The following REDIC1 variants were observed in gnomAD, a reference collection of about 807,000 sequenced individuals.
REDIC1 encodes HEI10 Interacting Protein 1.
At chr12:39,809,556 G>A in the REDIC1 span, among the ~76,000 whole-genome samples, 4 of 152,144 alleles carry the variant, frequency 2.6e-5, no homozygotes, top group Non-Finnish European at 5.9e-5. Flanking sequence ...TGCACAACGT[G>A]CAGGTTTGTT....
chr12:39,711,385 ATG>A, the REDIC1 span, among the ~76,000 whole-genome samples: 2,827 of 146,396 alleles, frequency 0.019, 72 homozygotes, highest in African/African-American at 0.054. Flanking sequence ...ACATATATGT[ATG>A]TGTGTACATA....
At chr12:39,638,199 C>G in the REDIC1 span, among the ~76,000 whole-genome samples, 10 of 152,130 alleles carry the variant, frequency 6.6e-5, no homozygotes, top group South Asian at 1.9e-3. Flanking sequence ...TTTTGGTGTT[C>G]TTGCCTTGTA....
the REDIC1 span, among the ~76,000 whole-genome samples, chr12:39,878,677 T>C: frequency 5.9e-5 from 9 of 152,200 alleles, no homozygotes; most frequent in African/African-American, 1.9e-4. Flanking sequence ...GCTGCTTATA[T>C]TTATAAGGTA....
chr12:39,642,882 A>C, the REDIC1 span, among the ~76,000 whole-genome samples: 3 of 151,812 alleles, frequency 2.0e-5, no homozygotes, highest in Non-Finnish European at 2.9e-5. Context: ...TTACAAACTT[A>C]AAAGTTATAA....
the REDIC1 span, among the ~76,000 whole-genome samples, chr12:39,643,474 T>C: frequency 2.0e-5 from 3 of 151,712 alleles, no homozygotes; most frequent in Non-Finnish European, 4.4e-5. Flanking sequence ...AGAATTGTTC[T>C]GTTACCAGAT....
At chr12:39,713,066 T>G in the REDIC1 span, among the ~76,000 whole-genome samples, 1 of 147,458 alleles carries the variant, frequency 6.8e-6, no homozygotes, top group South Asian at 2.1e-4. Flanking sequence ...TGTATATGTG[T>G]ATACACGTGC....
the REDIC1 span, among the ~76,000 whole-genome samples, chr12:39,887,306 T>C: frequency 2.0e-5 from 3 of 152,202 alleles, no homozygotes; most frequent in African/African-American, 7.2e-5. Flanking sequence ...GGCAGATGGA[T>C]GGGCAGCCAG....
chr12:39,768,510 C>T, the REDIC1 span, among the ~76,000 whole-genome samples: 3 of 152,042 alleles, frequency 2.0e-5, no homozygotes, highest in Non-Finnish European at 4.4e-5. Context: ...AAGTGAGAGT[C>T]GTGCTACTAT....
chr12:39,731,675 C>T, the REDIC1 span, among the ~76,000 whole-genome samples: 18 of 152,176 alleles, frequency 1.2e-4, no homozygotes, highest in Non-Finnish European at 2.6e-4. Flanking sequence ...AGAGCTCAAA[C>T]GCTGTGCTGG....
At chr12:39,839,568 A>G in the REDIC1 span, among the ~76,000 whole-genome samples, 4 of 151,634 alleles carry the variant, frequency 2.6e-5, no homozygotes, top group Non-Finnish European at 5.9e-5. Context: ...TTTTCTAAAA[A>G]TTTTCCCTCT....
At chr12:39,888,409 GAGACAAGGTTT>G in the REDIC1 span, among the ~76,000 whole-genome samples, 1 of 152,238 alleles carries the variant, frequency 6.6e-6, no homozygotes, top group South Asian at 2.1e-4. Flanking sequence ...ATTTTTAGCA[GAGACAAGGTTT>G]CACCATATTG....
the REDIC1 span, among the ~76,000 whole-genome samples, chr12:39,705,124 A>G: frequency 2.0e-5 from 3 of 151,988 alleles, no homozygotes; most frequent in Admixed American, 2.0e-4. Flanking sequence ...TCAGAGATGA[A>G]AAAGGAACAT....
chr12:39,876,550 G>T, the REDIC1 span, among the ~76,000 whole-genome samples: 9 of 152,016 alleles, frequency 5.9e-5, no homozygotes, highest in Non-Finnish European at 1.2e-4. Context: ...AAAAACACCT[G>T]ATAGACTTAC....
chr12:39,866,624 C>G, the REDIC1 span, among the ~76,000 whole-genome samples: 1 of 152,032 alleles, frequency 6.6e-6, no homozygotes, highest in Non-Finnish European at 1.5e-5. Context: ...GGACTACAGG[C>G]GCCCGCCACC....
chr12:39,688,400 A>T, the REDIC1 span, among the ~76,000 whole-genome samples: 1 of 152,236 alleles, frequency 6.6e-6, no homozygotes, highest in Non-Finnish European at 1.5e-5. Context: ...AAAGAGCAAC[A>T]TAGATATACT....
chr12:39,790,584 G>A, the REDIC1 span, among the ~76,000 whole-genome samples: 3 of 144,880 alleles, frequency 2.1e-5, no homozygotes, highest in African/African-American at 7.7e-5. Flanking sequence ...ATTCCATGGT[G>A]TATATGTGCC....
At chr12:39,731,205 G>A in the REDIC1 span, among the ~76,000 whole-genome samples, 2 of 152,152 alleles carry the variant, frequency 1.3e-5, no homozygotes, top group Non-Finnish European at 2.9e-5. Context: ...TGCTGGGGAG[G>A]AGTTGTGATT....
chr12:39,899,267 G>C, the REDIC1 span, among the ~76,000 whole-genome samples: 2 of 152,084 alleles, frequency 1.3e-5, no homozygotes, highest in Admixed American at 1.3e-4. Flanking sequence ...GTTTATTTGC[G>C]TAGAGGTGTT....
chr12:39,793,096 T>C, the REDIC1 span, among the ~76,000 whole-genome samples: 2 of 152,152 alleles, frequency 1.3e-5, no homozygotes, highest in Non-Finnish European at 2.9e-5. Context: ...CCATCATATA[T>C]GTAGAAAATC....
Sources: allele counts gnomAD v4.1 joint callset (sites outside exome capture counted in the v4.1 genomes callset), GRCh38; gene constraint gnomAD v4.1.1; transcripts MANE v1.5; gene names NCBI Gene and HGNC (gene_info 2026-07-23, HGNC 2026-07-21).